The following ROBO1 variants were observed in gnomAD, a reference collection of about 807,000 sequenced individuals.
The protein encoded by ROBO1 is roundabout homolog 1.
In ROBO1, 149 loss-of-function variants were observed where a neutral mutation model predicts 195.9. That is an observed-to-expected ratio of 0.76 (90% CI 0.67 to 0.87). The LOEUF is 0.87. ROBO1 is among the 40% of genes least tolerant of loss of function. ROBO1 has a pLI of 0.00. For missense variants in ROBO1, 1,933 were observed against 2,068.3 expected, an observed-to-expected ratio of 0.93 and a Z score of 1.27; for synonymous variants, 816 against 733.2, an observed-to-expected ratio of 1.11 and a Z score of -1.82.
intron 2 of ROBO1, among the ~76,000 whole-genome samples, chr3:79,351,699 C>CT (rs943017610): frequency 2.6e-5 from 4 of 151,686 alleles, no homozygotes; most frequent in Admixed American, 2.0e-4. Context: ...CAAGTTTTGC[C>CT]TTTTTTTTAT....
At chr3:79,455,266 T>C (rs1240632958) in intron 2 of ROBO1, among the ~76,000 whole-genome samples, 1 of 152,112 alleles carries the variant, frequency 6.6e-6, no homozygotes, top group Non-Finnish European at 1.5e-5. Context: ...CTCTGTGGAA[T>C]GGGTGAAATG....
intron 4 of ROBO1, among the ~76,000 whole-genome samples, chr3:78,902,055 A>G (rs1292436153): frequency 6.6e-6 from 1 of 152,204 alleles, no homozygotes; most frequent in Non-Finnish European, 1.5e-5. Context: ...CTAGAAAGCA[A>G]TGGAACTCAG....
At chr3:79,679,012 G>A (rs907791573) in intron 1 of ROBO1, among the ~76,000 whole-genome samples, 1 of 151,878 alleles carries the variant, frequency 6.6e-6, no homozygotes, top group African/African-American at 2.4e-5. Flanking sequence ...CAAATAATGT[G>A]TGAAAATATT....
chr3:79,083,640 G>A (rs554933842), intron 3 of ROBO1, among the ~76,000 whole-genome samples: 5 of 152,258 alleles, frequency 3.3e-5, no homozygotes, highest in South Asian at 2.1e-4. Flanking sequence ...GGAAACTGTC[G>A]TCCTATCCAA....
intron 3 of ROBO1, among the ~76,000 whole-genome samples, chr3:78,976,652 C>T (rs1393141904): frequency 1.3e-5 from 2 of 152,160 alleles, no homozygotes; most frequent in East Asian, 3.9e-4. Flanking sequence ...TATCTCAATC[C>T]TATGCTGATT....
rs1402757273 is a variant in ROBO1, at chr3:79,484,753, A to ATTTTTTTTTTTTTTT, written c.88+105070_88+105071insAAAAAAAAAAAAAAA. 1.9e-3 allele frequency among the ~76,000 whole-genome samples: 34 copies of ATTTTTTTTTTTTTTT among 17,674 alleles called. 1 individual carries two copies. The highest frequency in any genetic ancestry group is 7.3e-3 in the African/African-American group (23 of 3,136). 11.6% of individuals were successfully genotyped at this position (17,674 alleles called of 152,430 possible). A position where few individuals can be genotyped will look rare whatever the true frequency, so the allele number is the denominator to read the frequency against. ...GTTTATACACCACTATCATTGCACT[A>ATTTTTTTTTTTTTTT]TCTTTTTTTTTTTTTTTTTGAGACA... On this transcript the variant is annotated intron_variant, in intron 2 of 30. Transcript: ENST00000464233.
At chr3:79,079,683 A>G (rs2079236442) in intron 3 of ROBO1, among the ~76,000 whole-genome samples, 2 of 151,812 alleles carry the variant, frequency 1.3e-5, no homozygotes, top group Non-Finnish European at 2.9e-5. Flanking sequence ...AAAAATTTAA[A>G]TCAAACGACT....
intron 2 of ROBO1, among the ~76,000 whole-genome samples, chr3:79,274,948 C>T (rs2030902426): frequency 6.6e-6 from 1 of 151,854 alleles, no homozygotes; most frequent in African/African-American, 2.4e-5. Flanking sequence ...AAATCTAAAG[C>T]ATAAACAGAC....
intron 2 of ROBO1, among the ~76,000 whole-genome samples, chr3:79,322,341 A>G (rs1559816644): frequency 1.3e-5 from 2 of 152,332 alleles, no homozygotes; most frequent in South Asian, 2.1e-4. Flanking sequence ...CAACAAGTAT[A>G]CGTTAGTATT....
chr3:79,139,147 T>G (rs1351283623), intron 2 of ROBO1, among the ~76,000 whole-genome samples: 1 of 151,418 alleles, frequency 6.6e-6, no homozygotes, highest in African/African-American at 2.4e-5. Flanking sequence ...CATATATATA[T>G]ATTTTATGCT....
chr3:79,238,756 A>T (rs186653344), intron 2 of ROBO1, among the ~76,000 whole-genome samples: 2 of 152,310 alleles, frequency 1.3e-5, no homozygotes, highest in East Asian at 3.9e-4. Context: ...GATTAGATGC[A>T]ATTGACTTCC....
intron 1 of ROBO1, among the ~76,000 whole-genome samples, chr3:79,721,661 T>C (rs113090965): frequency 1.3e-5 from 2 of 152,294 alleles, no homozygotes; most frequent in African/African-American, 4.8e-5. Flanking sequence ...TTTCTGCCCC[T>C]ACAAAAGTGA....
At chr3:78,878,323 C>T (rs778695663) in intron 4 of ROBO1, among the ~76,000 whole-genome samples, 22 of 152,142 alleles carry the variant, frequency 1.4e-4, no homozygotes, top group African/African-American at 2.4e-4. Context: ...CAGTGGCTCA[C>T]GCCTGTAATC....
At chr3:78,746,649 G>A (rs769362499) in intron 5 of ROBO1, 94 bp downstream of exon 5, 40 of 1,094,244 alleles carry the variant, frequency 3.7e-5, no homozygotes, top group Non-Finnish European at 4.9e-5. Flanking sequence ...AGCCTTTATT[G>A]AAAATAATCT....
chr3:78,643,707 T>C (rs1274080491), intron 21 of ROBO1, among the ~76,000 whole-genome samples: 2 of 152,146 alleles, frequency 1.3e-5, no homozygotes, highest in Admixed American at 6.6e-5. Flanking sequence ...TGGGATTTTC[T>C]GGAGCTCAGA....
intron 2 of ROBO1, among the ~76,000 whole-genome samples, chr3:79,397,258 A>T (rs2037191575): frequency 6.6e-6 from 1 of 150,510 alleles, no homozygotes; most frequent in African/African-American, 2.4e-5. Context: ...TTTAATAATC[A>T]TATATATATA....
At chr3:79,509,141 A>G (rs1940563195) in intron 2 of ROBO1, among the ~76,000 whole-genome samples, 1 of 152,144 alleles carries the variant, frequency 6.6e-6, no homozygotes, top group African/African-American at 2.4e-5. Flanking sequence ...ATAATTTCCA[A>G]CATGGATTCA....
chr3:79,123,052 C>T (rs1430148300), intron 3 of ROBO1, among the ~76,000 whole-genome samples: 2 of 151,974 alleles, frequency 1.3e-5, no homozygotes, highest in Non-Finnish European at 2.9e-5. Flanking sequence ...CGTTTTGTAA[C>T]TAACTCATAT....
intron 4 of ROBO1, among the ~76,000 whole-genome samples, chr3:78,797,829 A>G (rs1016931300): frequency 2.6e-5 from 4 of 152,176 alleles, no homozygotes; most frequent in Admixed American, 2.6e-4. Context: ...TCAGATATTT[A>G]TTTTCAAATC....
Sources: gnomAD v4.1 joint callset for allele counts (sites outside exome capture counted in the v4.1 genomes callset) on GRCh38, gnomAD v4.1.1 for gene constraint, MANE v1.5 for transcripts, NCBI Gene and HGNC (gene_info 2026-07-23, HGNC 2026-07-21) for gene names.